Variants in ARHGEF33 observed in about 807,000 individuals in gnomAD.
The protein encoded by ARHGEF33 is Rho guanine nucleotide exchange factor 33.
A neutral mutation model predicts 101.9 loss-of-function variants in ARHGEF33; 72 were observed. The ratio of observed to expected loss-of-function variants is 0.71; its 90% confidence interval spans 0.58 to 0.86. The LOEUF (loss-of-function observed/expected upper bound fraction) is 0.86, where lower values mean the gene tolerates loss of function less well. Ranked by LOEUF, ARHGEF33 falls within the 40% of genes least tolerant of loss-of-function variation. The probability of loss-of-function intolerance (pLI) is 0.00; values close to 1 mark genes in which losing one functional copy is unlikely to be tolerated. For synonymous variants in ARHGEF33, 499 were observed against 442.5 expected (o/e 1.13, Z -1.60); for missense variants, 1,169 against 1,111.3 (o/e 1.05, Z -0.74).
intron 4 of ARHGEF33, among the ~76,000 whole-genome samples, chr2:38,922,598 C>T (rs892408385): frequency 6.6e-6 from 1 of 152,168 alleles, no homozygotes; most frequent in African/African-American, 2.4e-5. Context: ...CAACTGAATA[C>T]ACATTTATTG....
rs139978393 is a variant in ARHGEF33 at position 38,891,539 on chromosome 2, T to C, written c.-159+1553T>C. ...ATCACACAAAATTTTGCATACAATT[T>C]CAGAAGATTTACAGGTGACCTGAAA... On this transcript the variant is annotated intron_variant, in intron 1 of 17. Coordinates refer to ENST00000409978, the MANE Select transcript of ARHGEF33 (RefSeq NM_001145451.5). Among the ~76,000 whole-genome samples, 1,098 of 152,292 alleles carry C rather than the reference T, an allele frequency of 7.2e-3. 11 individuals carry two copies. The highest frequency in any genetic ancestry group is 0.026 in the African/African-American group (1,064 of 41,554).
chr2:38,914,644 G>A (rs975947263), intron 2 of ARHGEF33, among the ~76,000 whole-genome samples: 1 of 147,132 alleles, frequency 6.8e-6, no homozygotes, highest in Non-Finnish European at 1.5e-5. Flanking sequence ...TCCAGCCTGG[G>A]CAACAGTGAG....
intron 2 of ARHGEF33, among the ~76,000 whole-genome samples, chr2:38,910,569 C>T (rs1217331256): frequency 6.6e-6 from 1 of 151,968 alleles, no homozygotes; most frequent in Non-Finnish European, 1.5e-5. Flanking sequence ...GACTCCATCT[C>T]TACAAAAAAA....
chr2:38,898,066 G>A (rs1422013619), intron 2 of ARHGEF33, among the ~76,000 whole-genome samples: 1 of 152,176 alleles, frequency 6.6e-6, no homozygotes, highest in Non-Finnish European at 1.5e-5. Flanking sequence ...ACTTTCATTG[G>A]TAGGCAGAAA....
rs1420161080 is a variant in ARHGEF33, at chr2:38,959,976, G to A, written c.1671G>A (p.Gln557=). The change falls in exon 16 of 18, where the codon CAG becomes CAA. Residue 557 remains glutamine, a synonymous_variant. Coordinates refer to ENST00000409978, the MANE Select transcript of ARHGEF33 (RefSeq NM_001145451.5). ...CCGAGAGCCTTCTGGCACCGACGCAGTTCTGCGCGGCCGAGCAGGACGTGA... is the reference window on the plus strand; with the variant it reads ...CCGAGAGCCTTCTGGCACCGACGCAATTCTGCGCGGCCGAGCAGGACGTGA... ...ERPESLLAPT[Q]FCAAEQDVKA... 1 of 1,551,086 alleles carries A rather than the reference G, an allele frequency of 6.4e-7. No individual in the cohort carries two copies. The highest frequency in any genetic ancestry group is 8.7e-7 in the Non-Finnish European group (1 of 1,146,798).
intron 4 of ARHGEF33, among the ~76,000 whole-genome samples, chr2:38,922,762 G>T (rs10189452): frequency 0.01 from 1,578 of 152,306 alleles, 22 homozygotes; most frequent in Non-Finnish European, 0.015. Flanking sequence ...TGCGATAGAG[G>T]CATTGATACA....
chr2:38,959,721 G>A (rs1292342978), intron 15 of ARHGEF33, 120 bp from the exon 16 acceptor site: 5 of 1,140,594 alleles, frequency 4.4e-6, no homozygotes, highest in Admixed American at 2.9e-5. Flanking sequence ...AGTTTGTGGA[G>A]CTCGGGAGGT....
At chr2:38,892,705 T>C (rs535074714) in intron 1 of ARHGEF33, among the ~76,000 whole-genome samples, 1 of 152,330 alleles carries the variant, frequency 6.6e-6, no homozygotes, top group African/African-American at 2.4e-5. Context: ...AAAAATTATC[T>C]TATGACATAT....
In ARHGEF33 at chr2:38,908,231, T is replaced by TA; in HGVS notation, c.-85-11129dup. On this transcript the variant is annotated intron_variant, in intron 2 of 17. Coordinates refer to ENST00000409978, the MANE Select transcript of ARHGEF33 (RefSeq NM_001145451.5). ...GAGAATCTGTTTGAAAGATTGAGAT[T>TA]AAAGAGAGTCAAGTCAGGATAAGAA... Among the ~76,000 whole-genome samples the TA allele has an allele frequency of 2.0e-5, 3 of 152,108 alleles. 1 individual carries two copies. Among genetic ancestry groups the TA allele is most frequent in the Admixed American group, 2.0e-4 (3 of 15,266 alleles).
At chr2:38,971,925 C>G (rs1668174493) in intron 17 of ARHGEF33, 3 of 718,550 alleles carry the variant, frequency 4.2e-6, no homozygotes, top group Non-Finnish European at 7.8e-6. Flanking sequence ...GTGGTGACAT[C>G]AAAGCTTTCC....
At chr2:38,971,278 A>G (rs998971789) in intron 17 of ARHGEF33, among the ~76,000 whole-genome samples, 1 of 152,200 alleles carries the variant, frequency 6.6e-6, no homozygotes, top group African/African-American at 2.4e-5. Flanking sequence ...GAGTGAAAGG[A>G]AAAGTTAGCA....
intron 4 of ARHGEF33, among the ~76,000 whole-genome samples, chr2:38,928,454 C>G (rs1354146155): frequency 1.3e-5 from 2 of 152,086 alleles, no homozygotes; most frequent in South Asian, 2.1e-4. Flanking sequence ...AGTTGTTACT[C>G]TATTTATTCT....
intron 7 of ARHGEF33, among the ~76,000 whole-genome samples, chr2:38,932,430 C>CTTTTTA (rs762581360): frequency 1.3e-3 from 178 of 134,898 alleles, no homozygotes; most frequent in South Asian, 3.6e-3. Flanking sequence ...CCCGGCTTGC[C>CTTTTTA]TTTTTATTTT....
rs760289472 is a variant in ARHGEF33, at chr2:38,958,152, T to G, written c.1489T>G (p.Leu497Val). Reference sequence around the variant, plus strand: ...TGACACTGGGATCCACTCAGAAGAGTTGCTGCAACCCTACCCTTCTGCTCC... The same window carrying G: ...TGACACTGGGATCCACTCAGAAGAGGTGCTGCAACCCTACCCTTCTGCTCC... ...VRDTGIHSEELLQPYPSAPSS... is the reference protein window; with the variant it reads ...VRDTGIHSEEVLQPYPSAPSS... Residue 497 changes from leucine (L) to valine (V), a missense_variant, in exon 15 of 18, where the codon TTG becomes GTG. Physicochemically the swap from Leu to Val is conservative, Grantham distance 32. Transcript: ENST00000409978. 3.0e-5 allele frequency: 46 copies of G among 1,551,488 alleles called. No homozygotes were observed. Among genetic ancestry groups the G allele is most frequent in the Non-Finnish European group, 3.7e-5 (42 of 1,146,996 alleles).
chr2:38,923,397 T>C (rs1666803572), intron 4 of ARHGEF33, among the ~76,000 whole-genome samples: 1 of 152,170 alleles, frequency 6.6e-6, no homozygotes, highest in South Asian at 2.1e-4. Flanking sequence ...GAATAAAATC[T>C]ATACTAGAAG....
At chr2:38,972,185 T>C (rs1264438362) in intron 17 of ARHGEF33, among the ~76,000 whole-genome samples, 12 of 152,084 alleles carry the variant, frequency 7.9e-5, no homozygotes, top group Admixed American at 6.5e-4. Flanking sequence ...ATGGAAGACA[T>C]AGAGAAAGAA....
chr2:38,936,357 G>A (rs1325489598), intron 8 of ARHGEF33, among the ~76,000 whole-genome samples: 1 of 152,158 alleles, frequency 6.6e-6, no homozygotes, highest in Non-Finnish European at 1.5e-5. Flanking sequence ...TTAGGGTCAA[G>A]GGAAAAATGG....
intron 14 of ARHGEF33, chr2:38,957,782 G>C (rs1188793555): frequency 4.6e-6 from 2 of 435,432 alleles, no homozygotes; most frequent in Non-Finnish European, 8.3e-6. Context: ...CAGGGTTCCT[G>C]TTATGGAAGC....
chr2:38,973,639 T>C, intron 17 of ARHGEF33, 75 bp from the exon 18 acceptor site: 2 of 1,396,218 alleles, frequency 1.4e-6, no homozygotes, highest in East Asian at 2.8e-5. Flanking sequence ...TGCAAAACAA[T>C]TGGGATAGAT....
Sources: gnomAD v4.1 joint callset for allele counts (sites outside exome capture counted in the v4.1 genomes callset) on GRCh38, gnomAD v4.1.1 for gene constraint, MANE v1.5 for transcripts, NCBI Gene and HGNC (gene_info 2026-07-23, HGNC 2026-07-21) for gene names.